PRDM16: variants seen among roughly 807,000 people sequenced by gnomAD.
PRDM16 encodes the protein PR/SET domain 16.
PRDM16 carries 23 observed loss-of-function variants against 110.6 expected under a neutral mutation model. That is an observed-to-expected ratio of 0.21 (90% CI 0.15 to 0.29). The LOEUF is 0.29. Ranked by LOEUF, PRDM16 falls within the 10% of genes least tolerant of loss-of-function variation. PRDM16 has a pLI of 1.00. For missense variants in PRDM16, 1,615 were observed against 1,794.3 expected, an observed-to-expected ratio of 0.90 and a Z score of 1.81; for synonymous variants, 799 against 781.8, an observed-to-expected ratio of 1.02 and a Z score of -0.37.
chr1:3,322,190 A>C (rs1303131316), intron 3 of PRDM16, among the ~76,000 whole-genome samples: 1 of 141,388 alleles, frequency 7.1e-6, no homozygotes, highest in African/African-American at 2.7e-5. Context: ...TGTGTGTGTG[A>C]GAGTGGGTGT....
intron 1 of PRDM16, among the ~76,000 whole-genome samples, chr1:3,100,035 T>C (rs1642495924): frequency 6.6e-6 from 1 of 152,068 alleles, no homozygotes; most frequent in South Asian, 2.1e-4. Context: ...AGGAGCCTGC[T>C]CCTCTAAGCC....
At chr1:3,169,688 C>A (rs1412780686) in intron 1 of PRDM16, among the ~76,000 whole-genome samples, 1 of 152,258 alleles carries the variant, frequency 6.6e-6, no homozygotes, top group African/African-American at 2.4e-5. Flanking sequence ...CCCCCCAACA[C>A]CCGCAAGGGC....
intron 1 of PRDM16, among the ~76,000 whole-genome samples, chr1:3,101,840 A>G (rs1642539392): frequency 6.6e-6 from 1 of 152,214 alleles, no homozygotes; most frequent in Non-Finnish European, 1.5e-5. Context: ...AAGACTGGGA[A>G]GACCACCCGT....
intron 1 of PRDM16, among the ~76,000 whole-genome samples, chr1:3,156,562 C>T (rs1303585278): frequency 1.3e-5 from 2 of 152,186 alleles, no homozygotes; most frequent in African/African-American, 4.8e-5. Flanking sequence ...CTGGTAGAGG[C>T]AGGAGCTATG....
chr1:3,332,984 C>G (rs1195636001), intron 3 of PRDM16, among the ~76,000 whole-genome samples: 1 of 152,234 alleles, frequency 6.6e-6, no homozygotes, highest in African/African-American at 2.4e-5. Flanking sequence ...GCAGACTCCT[C>G]TGCTGGTGGA....
chr1:3,069,620 G>T lies in PRDM16; in HGVS notation c.37+324G>T, dbSNP rs1046179713. Among the ~76,000 whole-genome samples, 2 of 150,944 alleles carry T rather than the reference G, an allele frequency of 1.3e-5. No homozygotes were observed. Among genetic ancestry groups the T allele is most frequent in the African/African-American group, 4.8e-5 (2 of 41,322 alleles). On this transcript the variant is annotated intron_variant, in intron 1 of 16. Transcript: ENST00000270722. The surrounding 1 kb of genome is among the most constrained non-coding windows in gnomAD (Gnocchi z 6.1). ...TGGGGGCCGGGGAGGGGGGCGGAGG[G>T]GGAGGGCCGGGGGTGGAGGGGAGCG...
chr1:3,268,174 C>T (rs1253680405), intron 3 of PRDM16, among the ~76,000 whole-genome samples: 3 of 152,212 alleles, frequency 2.0e-5, no homozygotes, highest in Non-Finnish European at 2.9e-5. Flanking sequence ...AAGGGCCCGA[C>T]GCTCCTGCTG....
chr1:3,241,296 G>T lies in PRDM16; in HGVS notation c.388-2791G>T, dbSNP rs542704481. On this transcript the variant is annotated intron_variant, in intron 2 of 16. Coordinates refer to ENST00000270722, the MANE Select transcript of PRDM16 (RefSeq NM_022114.4). ...TCCGGGGATGCAGGGCAGCTGGGGGGGCTCTGCCTCTGTGCGGCTCTTCCG... is the reference window on the plus strand; with the variant it reads ...TCCGGGGATGCAGGGCAGCTGGGGGTGCTCTGCCTCTGTGCGGCTCTTCCG... Among the ~76,000 whole-genome samples the T allele has an allele frequency of 3.5e-3, 530 of 152,370 alleles. 2 individuals are homozygous for T. Among genetic ancestry groups the T allele is most frequent in the African/African-American group, 0.012 (496 of 41,586 alleles).
chr1:3,417,357 A>C (rs1008008157), intron 10 of PRDM16, among the ~76,000 whole-genome samples: 1 of 152,206 alleles, frequency 6.6e-6, no homozygotes, highest in Non-Finnish European at 1.5e-5. Context: ...TCAGGTTGCT[A>C]TTGTAATTTT....
intron 1 of PRDM16, among the ~76,000 whole-genome samples, chr1:3,083,687 A>G (rs1025580075): frequency 1.3e-5 from 2 of 151,398 alleles, no homozygotes; most frequent in African/African-American, 2.4e-5. Flanking sequence ...GTTTTGTTCC[A>G]GGGGGTTGGG....
intron 2 of PRDM16, among the ~76,000 whole-genome samples, chr1:3,214,826 A>G (rs1327512711): frequency 3.3e-5 from 5 of 152,188 alleles, no homozygotes. Flanking sequence ...GATGGTTACA[A>G]TGAGCTTGAT....
At chr1:3,277,727 ACG>A (rs1220672339) in intron 3 of PRDM16, among the ~76,000 whole-genome samples, 2 of 148,722 alleles carry the variant, frequency 1.3e-5, no homozygotes, top group African/African-American at 2.6e-5. Context: ...GCACACACAC[ACG>A]CGCGCACACA....
intron 1 of PRDM16, among the ~76,000 whole-genome samples, chr1:3,114,165 G>GCACACACACGCACACACA (rs1211624933): frequency 4.6e-5 from 6 of 129,052 alleles, no homozygotes; most frequent in Non-Finnish European, 1.0e-4. Flanking sequence ...ACACACACAC[G>GCACACACACGCACACACA]CACACACACG....
chr1:3,357,415 A>T (rs1232150672), intron 3 of PRDM16, among the ~76,000 whole-genome samples: 1 of 149,754 alleles, frequency 6.7e-6, no homozygotes, highest in Non-Finnish European at 1.5e-5. Context: ...CTCCAGCTCC[A>T]GCCGTGGGAA....
intron 3 of PRDM16, among the ~76,000 whole-genome samples, chr1:3,292,348 C>A (rs1012317426): frequency 1.3e-5 from 2 of 152,304 alleles, no homozygotes; most frequent in East Asian, 3.9e-4. Flanking sequence ...ATTTTTAGCC[C>A]CTGGGAATCA....
intron 3 of PRDM16, among the ~76,000 whole-genome samples, chr1:3,317,889 T>G (rs1037423288): frequency 1.3e-5 from 2 of 152,258 alleles, no homozygotes; most frequent in Non-Finnish European, 2.9e-5. Context: ...CTCTTTGTAA[T>G]GCACTAGTTA....
chr1:3,348,450 G>A (rs1163251776), intron 3 of PRDM16, among the ~76,000 whole-genome samples: 1 of 152,192 alleles, frequency 6.6e-6, no homozygotes, highest in African/African-American at 2.4e-5. Flanking sequence ...CAAAATCCGC[G>A]GGCCAAGGAC....
At chr1:3,142,023 G>A (rs1643560130) in intron 1 of PRDM16, among the ~76,000 whole-genome samples, 1 of 152,252 alleles carries the variant, frequency 6.6e-6, no homozygotes, top group Non-Finnish European at 1.5e-5. Flanking sequence ...GTCAGCCATG[G>A]GGTCGCACTC....
chr1:3,191,092 G>A (rs2100807554), intron 2 of PRDM16, among the ~76,000 whole-genome samples: 1 of 152,334 alleles, frequency 6.6e-6, no homozygotes, highest in South Asian at 2.1e-4. Context: ...TGTCTCCCCA[G>A]AAAGGCTCTC....
Sources: allele counts gnomAD v4.1 joint callset (sites outside exome capture counted in the v4.1 genomes callset), GRCh38; gene constraint gnomAD v4.1.1; non-coding constraint Gnocchi (gnomAD v3.1); transcripts MANE v1.5; gene names NCBI Gene and HGNC (gene_info 2026-07-23, HGNC 2026-07-21).